Variants in FHOD3 observed in about 807,000 individuals in gnomAD.
FHOD3 encodes FH1/FH2 domain-containing protein 3.
FHOD3 carries 90 observed loss-of-function variants against 173.0 expected under a neutral mutation model. The observed-to-expected ratio is 0.52, with a 90% CI of 0.44 to 0.62. The LOEUF is 0.62. FHOD3 is among the 20% of genes least tolerant of loss of function. The pLI is 0.00. For missense variants in FHOD3, 1,945 were observed against 2,034.7 expected (o/e 0.96, Z 0.85); for synonymous variants, 828 against 823.0 (o/e 1.01, Z -0.10).
chr18:36,464,384 T>G (rs1346986786), intron 3 of FHOD3, among the ~76,000 whole-genome samples: 1 of 152,192 alleles, frequency 6.6e-6, no homozygotes, highest in Non-Finnish European at 1.5e-5. Context: ...CTATTTGAGA[T>G]GTGCAGCGGG....
chr18:36,688,504 T>C (rs1568610135), intron 16 of FHOD3, among the ~76,000 whole-genome samples: 1 of 152,192 alleles, frequency 6.6e-6, no homozygotes, highest in South Asian at 2.1e-4. Flanking sequence ...TAATAACCAG[T>C]TGTGGCTGGC....
intron 1 of FHOD3, among the ~76,000 whole-genome samples, chr18:36,326,709 C>T (rs561602458): frequency 6.6e-6 from 1 of 152,276 alleles, no homozygotes; most frequent in African/African-American, 2.4e-5. Context: ...TATGATCGCA[C>T]CACTGCACTT....
At chr18:36,313,421 A>G (rs1568108852) in intron 1 of FHOD3, among the ~76,000 whole-genome samples, 1 of 152,242 alleles carries the variant, frequency 6.6e-6, no homozygotes, top group Non-Finnish European at 1.5e-5. Flanking sequence ...CTAAAGAATT[A>G]TCTCGGGCCA....
intron 1 of FHOD3, among the ~76,000 whole-genome samples, chr18:36,354,715 A>G (rs1406154383): frequency 2.0e-5 from 3 of 152,166 alleles, no homozygotes; most frequent in Admixed American, 1.3e-4. Context: ...CTGAGGCAGA[A>G]GAATTGCTTG....
At chr18:36,437,211 G>A (rs1055532649) in intron 3 of FHOD3, among the ~76,000 whole-genome samples, 4 of 151,862 alleles carry the variant, frequency 2.6e-5, no homozygotes, top group African/African-American at 9.7e-5. Context: ...TTCGCCTCCT[G>A]GACTCAAGTG....
intron 5 of FHOD3, among the ~76,000 whole-genome samples, chr18:36,531,037 C>G (rs1457310321): frequency 1.3e-5 from 2 of 152,194 alleles, no homozygotes; most frequent in Non-Finnish European, 2.9e-5. Flanking sequence ...AATGGCTGGC[C>G]TGGCTGGACA....
At chr18:36,558,321 A>T (rs73429659) in intron 5 of FHOD3, among the ~76,000 whole-genome samples, 2 of 152,030 alleles carry the variant, frequency 1.3e-5, no homozygotes, top group Non-Finnish European at 2.9e-5. Context: ...GGGCCACTGG[A>T]GGGCTCACCT....
chr18:36,367,635 G>A (rs946524353), intron 2 of FHOD3, among the ~76,000 whole-genome samples: 2 of 152,166 alleles, frequency 1.3e-5, no homozygotes, highest in Non-Finnish European at 2.9e-5. Context: ...CCTCTCTTTG[G>A]TATGTGGAAG....
intron 4 of FHOD3, among the ~76,000 whole-genome samples, chr18:36,503,440 A>C (rs2055140596): frequency 6.6e-6 from 1 of 152,210 alleles, no homozygotes. Flanking sequence ...GGGAAGGCCC[A>C]AAATCTGTCC....
chr18:36,531,855 C>G (rs901820948), intron 5 of FHOD3, among the ~76,000 whole-genome samples: 4 of 152,258 alleles, frequency 2.6e-5, no homozygotes, highest in Admixed American at 2.6e-4. Flanking sequence ...GGCAGGCTGG[C>G]TCCTGCCTGG....
At chr18:36,338,577 G>A (rs1446300727) in intron 1 of FHOD3, among the ~76,000 whole-genome samples, 1 of 152,196 alleles carries the variant, frequency 6.6e-6, no homozygotes, top group Non-Finnish European at 1.5e-5. Context: ...CCAATATTCT[G>A]CTGCCAGCTT....
At chr18:36,512,749 G>A (rs1477306450) in intron 5 of FHOD3, among the ~76,000 whole-genome samples, 2 of 152,140 alleles carry the variant, frequency 1.3e-5, no homozygotes, top group Non-Finnish European at 2.9e-5. Context: ...AATTTTTACT[G>A]ACTTTCACCT....
At chr18:36,657,040 G>A (rs531116541) in intron 13 of FHOD3, among the ~76,000 whole-genome samples, 27 of 152,170 alleles carry the variant, frequency 1.8e-4, no homozygotes, top group East Asian at 9.6e-4. Context: ...TTACTCTGTC[G>A]AAGGATACAC....
chr18:36,528,131 A>G (rs1045257575), intron 5 of FHOD3, among the ~76,000 whole-genome samples: 9 of 152,152 alleles, frequency 5.9e-5, no homozygotes, highest in Non-Finnish European at 1.0e-4. Context: ...AGGCCCTTCA[A>G]TAAAGGAATC....
Position 36,509,430 on chromosome 18 carries a change from AAAAAAAAAAAAG to A in FHOD3, c.406-2997_406-2986del, listed in dbSNP as rs570870021. Among the ~76,000 whole-genome samples, 169 of 78,696 alleles carry A rather than the reference AAAAAAAAAAAAG, an allele frequency of 2.1e-3. 2 individuals are homozygous for A. The highest frequency in any genetic ancestry group is 5.2e-3 in the Non-Finnish European group (131 of 25,166). 51.6% of individuals were successfully genotyped at this position (78,696 alleles called of 152,430 possible). ...CAACAGAGCAAGACTCCATCTCAAA[AAAAAAAAAAAAG>A]AAAAAAAAAAGAAAACAGTATTTAT... On this transcript the variant is annotated intron_variant, in intron 4 of 28. Coordinates refer to ENST00000590592, the MANE Select transcript of FHOD3 (RefSeq NM_001281740.3).
chr18:36,411,126 A>G (rs763540011), intron 3 of FHOD3, among the ~76,000 whole-genome samples: 3 of 152,124 alleles, frequency 2.0e-5, no homozygotes, highest in Non-Finnish European at 4.4e-5. Context: ...TTTCTCTAAG[A>G]CTTTTATCAT....
chr18:36,544,261 C>T lies in FHOD3; in HGVS notation c.511+31718C>T, dbSNP rs192770859. Among the ~76,000 whole-genome samples, 97 of 152,344 alleles carry T rather than the reference C, an allele frequency of 6.4e-4. 1 individual carries two copies. The highest frequency in any genetic ancestry group is 2.2e-3 in the African/African-American group (93 of 41,580). ...CGGGAGCTGGTGCCACCTCCCCACC[C>T]GATCTCCCTGAACATGTGTCTCATG... is the stretch of plus-strand genomic sequence containing the variant. On this transcript the variant is annotated intron_variant, in intron 5 of 28. Coordinates refer to ENST00000590592, the MANE Select transcript of FHOD3 (RefSeq NM_001281740.3).
At chr18:36,615,979 G>T (rs1874379) in intron 9 of FHOD3, among the ~76,000 whole-genome samples, 1 of 152,222 alleles carries the variant, frequency 6.6e-6, no homozygotes, top group African/African-American at 2.4e-5. Context: ...CTCTTTGTGC[G>T]CTGCTCTGGG....
chr18:36,722,481 G>A (rs1248449876), intron 19 of FHOD3, among the ~76,000 whole-genome samples: 1 of 152,188 alleles, frequency 6.6e-6, no homozygotes, highest in Non-Finnish European at 1.5e-5. Context: ...TTTGTCATAG[G>A]GAGGGAGCCC....
Sources: allele counts gnomAD v4.1 joint callset (sites outside exome capture counted in the v4.1 genomes callset), GRCh38; gene constraint gnomAD v4.1.1; transcripts MANE v1.5; gene names NCBI Gene and HGNC (gene_info 2026-07-23, HGNC 2026-07-21).